Variants in ATP8B1 observed in about 807,000 individuals in gnomAD.
The protein encoded by ATP8B1 is ATPase phospholipid transporting 8B1, also known as phospholipid-transporting ATPase IC.
A neutral mutation model predicts 149.9 loss-of-function variants in ATP8B1; 80 were observed. The ratio of observed to expected loss-of-function variants is 0.53; its 90% confidence interval spans 0.45 to 0.64. The LOEUF is 0.64. Among genes scored for constraint, ATP8B1 ranks in the 30% least tolerant of loss-of-function variants. The pLI is 0.00. For missense variants in ATP8B1, 1,247 were observed against 1,552.6 expected (o/e 0.80, Z 3.31); for synonymous variants, 536 against 562.8 (o/e 0.95, Z 0.67).
rs1454203622 is a variant in ATP8B1, at chr18:57,776,037, C to CAA, written c.-26+26960_-26+26961insTT. 1.5e-4 allele frequency among the ~76,000 whole-genome samples: 23 copies of CAA among 152,284 alleles called. No homozygotes were observed. In the East Asian group the frequency reaches 4.2e-3, roughly 28 times the overall value. On this transcript the variant is annotated intron_variant, in intron 1 of 27. Coordinates refer to ENST00000648908, the MANE Select transcript of ATP8B1 (RefSeq NM_001374385.1). ...TGATGCCAGGATAAGGAGTAGGCTA[C>CAA]ATTGGATTCTAATCAAAGGAGGCAT...
intron 1 of ATP8B1, among the ~76,000 whole-genome samples, chr18:57,767,456 A>G (rs1427267949): frequency 6.6e-6 from 1 of 152,154 alleles, no homozygotes; most frequent in Non-Finnish European, 1.5e-5. Context: ...CCTCATTTCA[A>G]GTGTTCAACA....
intron 1 of ATP8B1, among the ~76,000 whole-genome samples, chr18:57,788,626 A>G (rs1401182423): frequency 8.5e-5 from 13 of 152,192 alleles, no homozygotes; most frequent in Non-Finnish European, 1.5e-5. Flanking sequence ...AGTTAGGAAA[A>G]GAGTACCCTA....
intron 1 of ATP8B1, 31 bp from the exon 2 acceptor site, chr18:57,731,863 A>T: frequency 2.5e-6 from 4 of 1,606,202 alleles, no homozygotes; most frequent in Non-Finnish European, 3.4e-6. Context: ...AGAGTGAATT[A>T]TGACTCTTGC....
chr18:57,768,393 A>C, intron 1 of ATP8B1, among the ~76,000 whole-genome samples: 1 of 122,402 alleles, frequency 8.2e-6, no homozygotes. Context: ...TCTCAAAAAA[A>C]AAAAAAAAAA....
intron 1 of ATP8B1, among the ~76,000 whole-genome samples, chr18:57,795,233 A>C (rs1428175510): frequency 7.0e-6 from 1 of 143,238 alleles, no homozygotes; most frequent in Non-Finnish European, 1.5e-5. Context: ...ACACACACAC[A>C]CACATTTTTT....
At chr18:57,691,172 T>G (rs1912507327) in intron 12 of ATP8B1, among the ~76,000 whole-genome samples, 1 of 122,952 alleles carries the variant, frequency 8.1e-6, no homozygotes, top group Non-Finnish European at 1.6e-5. Context: ...TGAAACTCCA[T>G]CTCAAAAAAA....
chr18:57,772,629 C>T (rs1004420443), intron 1 of ATP8B1, among the ~76,000 whole-genome samples: 2 of 151,204 alleles, frequency 1.3e-5, no homozygotes, highest in Admixed American at 6.6e-5. Flanking sequence ...GTAAACAACA[C>T]GTCCCGACCT....
intron 13 of ATP8B1, among the ~76,000 whole-genome samples, chr18:57,685,588 C>T (rs1912194846): frequency 6.6e-6 from 1 of 152,064 alleles, no homozygotes; most frequent in African/African-American, 2.4e-5. Flanking sequence ...TCTAAATTTA[C>T]ATAAAATTAA....
intron 20 of ATP8B1, among the ~76,000 whole-genome samples, chr18:57,665,754 T>C (rs903736125): frequency 3.9e-5 from 6 of 152,108 alleles, no homozygotes; most frequent in African/African-American, 1.2e-4. Flanking sequence ...GGTTTCATCA[T>C]ATCAGTCAGG....
In ATP8B1 at chr18:57,698,150, AC is replaced by A. The variant is rs147894037; in HGVS notation, c.555-284del. 4.9e-3 allele frequency among the ~76,000 whole-genome samples: 747 copies of A among 151,732 alleles called. 4 individuals are homozygous for A. The highest frequency in any genetic ancestry group is 0.017 in the African/African-American group (710 of 41,320). On this transcript the variant is annotated intron_variant, in intron 6 of 27. Transcript: ENST00000648908. ...TGTGCGTGGCAGGGAAATACTTGCC[AC>A]CCCCTTTTGTTTTTGCTTATGTCCA...
chr18:57,700,761 G>A (rs985860426), intron 6 of ATP8B1, among the ~76,000 whole-genome samples: 1 of 151,932 alleles, frequency 6.6e-6, no homozygotes, highest in African/African-American at 2.4e-5. Flanking sequence ...TCTACTAAAA[G>A]TACAAAATTA....
chr18:57,734,255 T>A (rs994868083), intron 1 of ATP8B1, among the ~76,000 whole-genome samples: 20 of 152,154 alleles, frequency 1.3e-4, no homozygotes, highest in African/African-American at 4.1e-4. Context: ...AGTGGTGCAA[T>A]CTCGGCTCAC....
chr18:57,710,970 G>T (rs1465207462), intron 2 of ATP8B1, among the ~76,000 whole-genome samples: 2 of 152,170 alleles, frequency 1.3e-5, no homozygotes, highest in Non-Finnish European at 2.9e-5. Flanking sequence ...AGATATTTGG[G>T]TTCCTAAAAG....
chr18:57,684,400 TG>T, intron 14 of ATP8B1, among the ~76,000 whole-genome samples: 1 of 151,836 alleles, frequency 6.6e-6, no homozygotes, highest in Non-Finnish European at 1.5e-5. Flanking sequence ...TGACCATATA[TG>T]GGTCTCACTC....
In ATP8B1 at chr18:57,648,717, A is replaced by C; in HGVS notation, c.3532-5T>G. 1.3e-6 allele frequency: 2 copies of C among 1,550,894 alleles called. No homozygotes were observed. The highest frequency in any genetic ancestry group is 1.7e-6 in the Non-Finnish European group (2 of 1,147,562). On this transcript the variant is annotated splice_region_variant and splice_polypyrimidine_tract_variant and intron_variant, in intron 27 of 27. Coordinates refer to ENST00000648908, the MANE Select transcript of ATP8B1 (RefSeq NM_001374385.1). ...CCGCTTGCGATGCTTCTGGATCTGC[A>C]AGGGGGAGAGATGGGGAGGGATGAA...
intron 4 of ATP8B1, among the ~76,000 whole-genome samples, chr18:57,704,047 A>G (rs111447681): frequency 0.031 from 4,678 of 149,956 alleles, 252 homozygotes; most frequent in African/African-American, 0.11. Context: ...GCTCACTGCA[A>G]CCTCCGCCTC....
At chr18:57,656,713 G>A (rs317826) in intron 22 of ATP8B1, among the ~76,000 whole-genome samples, 44,177 of 149,032 alleles carry the variant, frequency 0.3, 6,633 homozygotes, top group East Asian at 0.39. Flanking sequence ...TTTCTAAGGG[G>A]CAGAGAAATA....
At chr18:57,758,615 T>C (rs1412225465) in intron 1 of ATP8B1, among the ~76,000 whole-genome samples, 1 of 138,948 alleles carries the variant, frequency 7.2e-6, no homozygotes, top group Non-Finnish European at 1.5e-5. Context: ...GCTATTGCAC[T>C]CCAGCCTGGG....
At position 57,686,559 on chromosome 18, in the gene ATP8B1, T is replaced by A. The variant is rs1320164255; in HGVS notation, c.1430-1444A>T. ...CCTCAGCCTCCTGAATAGCTGGGACTAGAGGCATCCACCACCACGCCCAGG... is the reference window on the plus strand; with the variant it reads ...CCTCAGCCTCCTGAATAGCTGGGACAAGAGGCATCCACCACCACGCCCAGG... On this transcript the variant is annotated intron_variant, in intron 13 of 27. Coordinates refer to ENST00000648908, the MANE Select transcript of ATP8B1 (RefSeq NM_001374385.1). Among the ~76,000 whole-genome samples the A allele has an allele frequency of 2.6e-5, 4 of 152,160 alleles. No homozygotes were observed. The East Asian group carries it at 7.8e-4, about 30-fold the overall frequency.
Sources: allele counts gnomAD v4.1 joint callset (sites outside exome capture counted in the v4.1 genomes callset), GRCh38; gene constraint gnomAD v4.1.1; transcripts MANE v1.5; gene names NCBI Gene and HGNC (gene_info 2026-07-23, HGNC 2026-07-21).